The following HMMR variants were observed in gnomAD, a reference collection of about 807,000 sequenced individuals.
The protein encoded by HMMR is hyaluronan mediated motility receptor, also known as intracellular hyaluronic acid-binding protein.
HMMR carries 108 observed loss-of-function variants against 101.0 expected under a neutral mutation model. The ratio of observed to expected loss-of-function variants is 1.07; its 90% CI spans 0.92 to 1.25. HMMR has a LOEUF of 1.25. Ranked by LOEUF, HMMR falls within the 50% of genes most tolerant of loss-of-function variation. HMMR has a pLI of 0.00. For synonymous variants in HMMR, 296 were observed against 276.4 expected (o/e 1.07, Z -0.70); for missense variants, 813 against 788.7 (o/e 1.03, Z -0.37).
At chr5:163,461,318 AG>A (rs978952596) in intron 1 of HMMR, among the ~76,000 whole-genome samples, 6 of 152,138 alleles carry the variant, frequency 3.9e-5, no homozygotes, top group African/African-American at 1.4e-4. Flanking sequence ...ACCAACTCTA[AG>A]GGGTAATCCT....
intron 1 of HMMR, 91 bp downstream of exon 1, chr5:163,460,829 A>G (rs1758497957): frequency 1.8e-6 from 2 of 1,131,142 alleles, no homozygotes; most frequent in Admixed American, 3.9e-5. Context: ...GCAGGAGGCG[A>G]TTTTAGGGTC....
chr5:163,466,660 G>A (rs967966252), intron 3 of HMMR, among the ~76,000 whole-genome samples: 2 of 151,968 alleles, frequency 1.3e-5, no homozygotes, highest in African/African-American at 2.4e-5. Context: ...GAATTAAGAC[G>A]TGCTATAAGT....
rs376635193 is a variant in HMMR at position 163,490,378 on chromosome 5, C to A, written c.1963-12C>A. 1.3e-6 allele frequency: 2 copies of A among 1,520,296 alleles called. No homozygotes were observed. Among genetic ancestry groups the A allele is most frequent in the Non-Finnish European group, 1.8e-6 (2 of 1,120,154 alleles). 94.2% of individuals were successfully genotyped at this position (1,520,296 alleles called of 1,614,324 possible). A position where few individuals can be genotyped will look rare whatever the true frequency, so the allele number is the denominator to read the frequency against. On this transcript the variant is annotated splice_polypyrimidine_tract_variant and intron_variant, in intron 16 of 17. Coordinates refer to ENST00000393915, the MANE Select transcript of HMMR (RefSeq NM_001142556.2). ...AATAATTGTTTATTACCTATTATTTCTTTTTACCTAGGAAGTATCAAAACT... is the reference window on the plus strand; with the variant it reads ...AATAATTGTTTATTACCTATTATTTATTTTTACCTAGGAAGTATCAAAACT...
chr5:163,473,944 TCTTTGG>T (rs1411233765), intron 9 of HMMR, 107 bp from the exon 10 acceptor site: 14 of 827,692 alleles, frequency 1.7e-5, no homozygotes, highest in African/African-American at 1.4e-4. Flanking sequence ...TTTGTTTTCT[TCTTTGG>T]AAATACCATG....
rs1439088707 is a variant in HMMR at position 163,473,453 on chromosome 5, A to G, written c.800A>G (p.Asp267Gly). 1 of 1,608,644 alleles carries G rather than the reference A, an allele frequency of 6.2e-7. No individual in the cohort carries two copies. Residue 267 changes from aspartate (D) to glycine (G), a missense_variant, in exon 9 of 18, where the codon GAT (aspartate) becomes GGT (glycine). Coordinates refer to ENST00000393915, the MANE Select transcript of HMMR (RefSeq NM_001142556.2). ...QLEENLKEKNDEILSLKQSLE... is the reference protein window; with the variant it reads ...QLEENLKEKNGEILSLKQSLE... ...GAAGAAAATTTGAAAGAGAAGAATGATGAAATTTTAAGCCTTAAGCAGTCT... is the reference window on the plus strand; with the variant it reads ...GAAGAAAATTTGAAAGAGAAGAATGGTGAAATTTTAAGCCTTAAGCAGTCT...
chr5:163,472,385 T>C (rs1758926230), intron 7 of HMMR, among the ~76,000 whole-genome samples: 1 of 152,232 alleles, frequency 6.6e-6, no homozygotes, highest in South Asian at 2.1e-4. Context: ...CTGTTGCCAG[T>C]GTCTGCCATT....
At chr5:163,461,486 G>T (rs1166931169) in intron 1 of HMMR, among the ~76,000 whole-genome samples, 2 of 152,028 alleles carry the variant, frequency 1.3e-5, no homozygotes, top group Admixed American at 6.6e-5. Context: ...TGTTTGGTAG[G>T]CACTCATCAT....
At chr5:163,479,474 C>T (rs1759184834) in intron 12 of HMMR, among the ~76,000 whole-genome samples, 1 of 151,972 alleles carries the variant, frequency 6.6e-6, no homozygotes, top group African/African-American at 2.4e-5. Flanking sequence ...AGTTTGAGAC[C>T]AGCCTGGGCA....
chr5:163,467,577 T>C, intron 3 of HMMR, 124 bp from the exon 4 acceptor site: 1 of 565,208 alleles, frequency 1.8e-6, no homozygotes, highest in South Asian at 2.0e-5. Context: ...TTTAACAGTG[T>C]AATGTTTAAA....
rs767916904 is a variant in HMMR at position 163,478,671 on chromosome 5, TTC to T, written c.1269-11_1269-10del. On this transcript the variant is annotated splice_polypyrimidine_tract_variant and intron_variant, in intron 11 of 17. Transcript: ENST00000393915. Reference sequence around the variant, plus strand: ...AGGTGGCATTTTATCTTTCAATTATTTCTTTTTCTTAGGAAGGAGGCTGAACT... The same window carrying T: ...AGGTGGCATTTTATCTTTCAATTATTTTTTTCTTAGGAAGGAGGCTGAACT... The T allele has an allele frequency of 6.6e-7, 1 of 1,518,540 alleles. No individual in the cohort carries two copies. Among genetic ancestry groups the T allele is most frequent in the South Asian group, 1.1e-5 (1 of 88,826 alleles). The allele number at this position is 1,518,540 out of a possible 1,614,324, so 94.1% of individuals were successfully genotyped here.
rs1287587056 is a variant in HMMR, at chr5:163,473,684, C to T, written c.904+127C>T. On this transcript the variant is annotated intron_variant, in intron 9 of 17. Transcript: ENST00000393915. Reference sequence around the variant, plus strand: ...ATACTAACATTTTAAATATAATTAGCTATATAGCTATACAACAGCAAAAAC... The same window carrying T: ...ATACTAACATTTTAAATATAATTAGTTATATAGCTATACAACAGCAAAAAC... 6 of 584,586 alleles carry T rather than the reference C, an allele frequency of 1.0e-5. No homozygotes were observed. In the South Asian group the frequency reaches 1.6e-4, roughly 16 times the overall value. The allele number at this position is 584,586 out of a possible 1,614,324, so 36.2% of individuals were successfully genotyped here. A position where few individuals can be genotyped will look rare whatever the true frequency, so the allele number is the denominator to read the frequency against.
chr5:163,460,639 A>T lies in HMMR; in HGVS notation c.-54A>T. On this transcript the variant is annotated 5_prime_UTR_variant, in exon 1 of 18. Transcript: ENST00000393915. ...AAACCGGTAGGGAGTGATAATCCGC[A>T]TTCAGTTGTCGAGGAGTGCCAGTCA... 2 of 1,519,160 alleles carry T rather than the reference A, an allele frequency of 1.3e-6. No homozygotes were observed. Among genetic ancestry groups the T allele is most frequent in the Non-Finnish European group, 1.8e-6 (2 of 1,109,148 alleles). The allele number at this position is 1,519,160 out of a possible 1,614,324, so 94.1% of individuals were successfully genotyped here.
At chr5:163,472,218 A>ATG (rs1407585692) in intron 7 of HMMR, among the ~76,000 whole-genome samples, 4 of 151,958 alleles carry the variant, frequency 2.6e-5, no homozygotes, top group Non-Finnish European at 5.9e-5. Flanking sequence ...GAGAAAGAGC[A>ATG]TGTGTGTGTG....
chr5:163,463,628 T>G (rs1180703820), intron 1 of HMMR, among the ~76,000 whole-genome samples: 1 of 152,242 alleles, frequency 6.6e-6, no homozygotes. Flanking sequence ...AACTGTCGTT[T>G]GCTCAGTTGC....
Position 163,473,468 on chromosome 5 carries a change from T to G in HMMR, c.815T>G (p.Leu272Arg), listed in dbSNP as rs780991315. The G allele has an allele frequency of 1.1e-5, 17 of 1,605,052 alleles. No individual in the cohort carries two copies. The highest frequency in any genetic ancestry group is 1.4e-5 in the Non-Finnish European group (17 of 1,172,802). The part of the protein sequence containing the change: ...LKEKNDEILS[L>R]KQSLEENIVI... The stretch of plus-strand genomic sequence containing the variant: ...GAGAAGAATGATGAAATTTTAAGCC[T>G]TAAGCAGTCTCTTGAGGAGAATATT... Residue 272 changes from leucine (L) to arginine (R), a missense_variant, in exon 9 of 18, where the codon CTT becomes CGT. Coordinates refer to ENST00000393915, the MANE Select transcript of HMMR (RefSeq NM_001142556.2).
intron 16 of HMMR, among the ~76,000 whole-genome samples, chr5:163,485,591 G>A (rs537499230): frequency 4.5e-4 from 68 of 152,160 alleles, no homozygotes; most frequent in African/African-American, 1.5e-3. Context: ...TATTATTTGC[G>A]AATATCTTCT....
Position 163,484,164 on chromosome 5 carries a change from T to C in HMMR, c.1881T>C (p.Ala627=). The C allele has an allele frequency of 1.9e-6, 3 of 1,605,852 alleles. No individual in the cohort carries two copies. Among genetic ancestry groups the C allele is most frequent in the South Asian group, 2.2e-5 (2 of 90,220 alleles). ...EQLNKIRDSY[A]KLLGHQNLKQ... ...TAAATAAAATAAGAGATTCATATGCTAAATTATTGGGTCATCAGAATTTGA... is the reference window on the plus strand; with the variant it reads ...TAAATAAAATAAGAGATTCATATGCCAAATTATTGGGTCATCAGAATTTGA... The change falls in exon 16 of 18, where the codon GCT becomes GCC. Residue 627 remains alanine (A), a synonymous_variant. Transcript: ENST00000393915.
intron 16 of HMMR, among the ~76,000 whole-genome samples, chr5:163,489,590 T>TAGGAG (rs1759607909): frequency 6.6e-6 from 1 of 152,100 alleles, no homozygotes; most frequent in African/African-American, 2.4e-5. Flanking sequence ...CCTCAGGCCC[T>TAGGAG]CTTGAGTAAC....
At chr5:163,465,437 C>T (rs771455337) in intron 3 of HMMR, among the ~76,000 whole-genome samples, 6 of 152,106 alleles carry the variant, frequency 3.9e-5, no homozygotes, top group East Asian at 1.9e-4. Flanking sequence ...CAGGCTCAAG[C>T]GATTCTCCTG....
Sources: allele counts gnomAD v4.1 joint callset (sites outside exome capture counted in the v4.1 genomes callset), GRCh38; gene constraint gnomAD v4.1.1; transcripts MANE v1.5; gene names NCBI Gene and HGNC (gene_info 2026-07-23, HGNC 2026-07-21).